SLC38A4: variants seen among roughly 807,000 people sequenced by gnomAD.
SLC38A4 encodes the protein sodium-coupled neutral amino acid transporter 4.
Under a neutral mutation model 63.1 loss-of-function variants are expected in SLC38A4, and 20 were observed. The ratio of observed to expected loss-of-function variants is 0.32; its 90% CI spans 0.22 to 0.46. SLC38A4 has a LOEUF of 0.46. Ranked by LOEUF, SLC38A4 falls within the 20% of genes least tolerant of loss-of-function variation. The pLI is 1.00. For synonymous variants in SLC38A4, 230 were observed against 225.5 expected (o/e 1.02, Z -0.18); for missense variants, 526 against 663.6 (o/e 0.79, Z 2.28).
Position 46,769,280 on chromosome 12 carries a change from T to A in SLC38A4, c.1444+4A>T. On this transcript the variant is annotated splice_donor_region_variant and intron_variant, in intron 15 of 16. Transcript: ENST00000266579. ...GACCAAATTGAAGCCTTTCTGAAACTCACCTATGAATCCGAAGATGTATTT... is the reference window on the plus strand; with the variant it reads ...GACCAAATTGAAGCCTTTCTGAAACACACCTATGAATCCGAAGATGTATTT... 1 of 1,612,820 alleles carries A rather than the reference T, an allele frequency of 6.2e-7. No homozygotes were observed. Among genetic ancestry groups the A allele is most frequent in the Non-Finnish European group, 8.5e-7 (1 of 1,179,188 alleles).
At chr12:46,775,200 C>T (rs753071434) in intron 13 of SLC38A4, 27 bp from the exon 14 acceptor site, 34 of 1,605,422 alleles carry the variant, frequency 2.1e-5, no homozygotes, top group Middle Eastern at 3.3e-4. Context: ...AGAATGAAAC[C>T]GCTTGGTGTT....
chr12:46,807,115 T>C (rs556456218), intron 1 of SLC38A4, among the ~76,000 whole-genome samples: 1 of 152,126 alleles, frequency 6.6e-6, no homozygotes, highest in African/African-American at 2.4e-5. Context: ...GAAATAATAT[T>C]TGAAAATAAA....
Position 46,779,835 on chromosome 12 carries a change from G to C in SLC38A4, c.603C>G (p.Leu201=). The change falls in exon 9 of 17, where the codon CTC becomes CTG. Residue 201 remains leucine, a synonymous_variant. Coordinates refer to ENST00000266579, the MANE Select transcript of SLC38A4 (RefSeq NM_018018.5). ...TGEWYLNGNY[L]IIFVSVGIIL... is the part of the protein sequence containing the mutation. ...TAATTCCAACAGACACAAATATGAT[G>C]AGGTAGTTGCCATTGAGGTACCATT... 1 of 1,612,276 alleles carries C rather than the reference G, an allele frequency of 6.2e-7. No individual in the cohort carries two copies. Among genetic ancestry groups the C allele is most frequent in the Non-Finnish European group, 8.5e-7 (1 of 1,179,052 alleles).
rs370534515 is a variant in SLC38A4 at position 46,812,823 on chromosome 12, C to A, written c.-304-9029G>T. ...ACTTAAAAAGGGGTCAGAGAAATAT[C>A]AAAGTGGTCATCCAAAAGAAATGTT... is the stretch of plus-strand genomic sequence containing the variant. On this transcript the variant is annotated intron_variant, in intron 1 of 16. Transcript: ENST00000266579. Among the ~76,000 whole-genome samples the A allele has an allele frequency of 1.6e-3, 239 of 152,046 alleles. 3 individuals are homozygous for A. In the South Asian group the frequency reaches 0.044, roughly 28 times the overall value.
At chr12:46,830,345 C>G (rs1939715088), upstream of SLC38A4, among the ~76,000 whole-genome samples, 1 of 151,312 alleles carries the variant, frequency 6.6e-6, no homozygotes, top group African/African-American at 2.4e-5. Context: ...TCTTGTGTTG[C>G]ACAGGAAAGA....
intron 1 of SLC38A4, among the ~76,000 whole-genome samples, chr12:46,810,278 T>A (rs116644528): frequency 6.6e-6 from 1 of 151,844 alleles, no homozygotes; most frequent in Non-Finnish European, 1.5e-5. Flanking sequence ...CTAATAATAA[T>A]AAGGTCCCTA....
chr12:46,774,521 T>C (rs1386351906), intron 14 of SLC38A4, among the ~76,000 whole-genome samples: 1 of 152,048 alleles, frequency 6.6e-6, no homozygotes, highest in Admixed American at 6.6e-5. Flanking sequence ...AGATATGTGA[T>C]AGATAGCATA....
intron 1 of SLC38A4, among the ~76,000 whole-genome samples, chr12:46,815,284 TACAC>T (rs369027203): frequency 0.01 from 832 of 82,772 alleles, 8 homozygotes; most frequent in Middle Eastern, 0.022. Context: ...TATATATATA[TACAC>T]ACACACACAC....
chr12:46,790,789 AC>A (rs1413525458), intron 3 of SLC38A4, among the ~76,000 whole-genome samples: 5 of 152,192 alleles, frequency 3.3e-5, no homozygotes, highest in African/African-American at 1.2e-4. Context: ...ATGTTTTGAT[AC>A]CAAACCCAGC....
chr12:46,803,301 A>G (rs1939168580), intron 2 of SLC38A4, among the ~76,000 whole-genome samples: 1 of 152,120 alleles, frequency 6.6e-6, no homozygotes, highest in African/African-American at 2.4e-5. Context: ...ACCTGGAGAT[A>G]TAAATAACTA....
chr12:46,809,612 C>T (rs976692701), intron 1 of SLC38A4, among the ~76,000 whole-genome samples: 1 of 152,038 alleles, frequency 6.6e-6, no homozygotes. Context: ...ATTAACTGAG[C>T]TTTTTGTACT....
intron 14 of SLC38A4, among the ~76,000 whole-genome samples, chr12:46,774,383 G>T (rs765087273): frequency 2.0e-5 from 3 of 152,008 alleles, no homozygotes; most frequent in Non-Finnish European, 2.9e-5. Flanking sequence ...TTAGGTGGTG[G>T]TTTTAACTCA....
chr12:46,807,104 C>T lies in SLC38A4; in HGVS notation c.-304-3310G>A, dbSNP rs75082410. ...TAAATTTCTAATTTTAGTCATAGGA[C>T]GAAATAATATTTGAAAATAAAATTT... On this transcript the variant is annotated intron_variant, in intron 1 of 16. Coordinates refer to ENST00000266579, the MANE Select transcript of SLC38A4 (RefSeq NM_018018.5). Among the ~76,000 whole-genome samples the T allele has an allele frequency of 6.2e-3, 938 of 151,774 alleles. 9 individuals are homozygous for T. The highest frequency in any genetic ancestry group is 0.021 in the African/African-American group (876 of 41,418).
Position 46,768,322 on chromosome 12 carries a change from G to C in SLC38A4, c.1530C>G (p.Pro510=). The change falls in exon 16 of 17, where the codon CCC becomes CCG. Residue 510 remains proline, a synonymous_variant. Coordinates refer to ENST00000266579, the MANE Select transcript of SLC38A4 (RefSeq NM_018018.5). ...KLVKKETFRS[P]QKVGALIFLV... Reference sequence around the variant, plus strand: ...AAGGTTTACTTACCCCGACCTTTTGGGGTGACCTAAAAGTTTCTTTCTTGA... The same window carrying C: ...AAGGTTTACTTACCCCGACCTTTTGCGGTGACCTAAAAGTTTCTTTCTTGA... 6.2e-7 allele frequency: 1 copy of C among 1,609,810 alleles called. No homozygotes were observed. Among genetic ancestry groups the C allele is most frequent in the Non-Finnish European group, 8.5e-7 (1 of 1,177,412 alleles).
At chr12:46,775,010 G>A in intron 14 of SLC38A4, 39 bp downstream of exon 14, 3 of 1,606,050 alleles carry the variant, frequency 1.9e-6, no homozygotes, top group Non-Finnish European at 2.6e-6. Flanking sequence ...AATTTATGGG[G>A]TCAAGTAGGT....
intron 5 of SLC38A4, among the ~76,000 whole-genome samples, chr12:46,787,505 G>T (rs114460585): frequency 3.2e-3 from 491 of 152,202 alleles, no homozygotes; most frequent in African/African-American, 0.011. Flanking sequence ...CATCTTCATA[G>T]GATGGAGAGA....
rs1215002906 is a variant in SLC38A4, at chr12:46,765,339, C to T, written c.*1362G>A. Reference sequence around the variant, plus strand: ...CGTAGTGTTAGCACTTATACTTTTACAGAGAACCACTCAACACTGTATTAA... The same window carrying T: ...CGTAGTGTTAGCACTTATACTTTTATAGAGAACCACTCAACACTGTATTAA... On this transcript the variant is annotated 3_prime_UTR_variant, in exon 17 of 17. Coordinates refer to ENST00000266579, the MANE Select transcript of SLC38A4 (RefSeq NM_018018.5). 7 of 184,904 alleles carry T rather than the reference C, an allele frequency of 3.8e-5. No individual in the cohort carries two copies. The highest frequency in any genetic ancestry group is 1.8e-4 in the East Asian group (1 of 5,538). The allele number at this position is 184,904 out of a possible 1,614,324, so 11.5% of individuals were successfully genotyped here.
At chr12:46,792,852 T>C in intron 3 of SLC38A4, 101 bp downstream of exon 3, 1 of 804,166 alleles carries the variant, frequency 1.2e-6, no homozygotes, top group Non-Finnish European at 2.1e-6. Context: ...TTATCACAAA[T>C]TTACCTGTAA....
At chr12:46,770,124 C>A (rs372509272) in intron 14 of SLC38A4, among the ~76,000 whole-genome samples, 6 of 152,024 alleles carry the variant, frequency 3.9e-5, no homozygotes, top group African/African-American at 1.4e-4. Flanking sequence ...AGATAACAGG[C>A]AAGACACATA....
Sources: allele counts gnomAD v4.1 joint callset (sites outside exome capture counted in the v4.1 genomes callset), GRCh38; gene constraint gnomAD v4.1.1; transcripts MANE v1.5; gene names NCBI Gene and HGNC (gene_info 2026-07-23, HGNC 2026-07-21).